PKNOX2: variants seen among roughly 807,000 people sequenced by gnomAD.
The protein encoded by PKNOX2 is PBX/knotted 1 homeobox 2.
Under a neutral mutation model 53.1 loss-of-function variants are expected in PKNOX2, and 14 were observed. That is an observed-to-expected ratio of 0.26 (90% confidence interval 0.17 to 0.41). The LOEUF (loss-of-function observed/expected upper bound fraction) is 0.41. Among genes scored for constraint, PKNOX2 ranks in the 10% least tolerant of loss-of-function variants. The pLI, the probability that PKNOX2 is intolerant of heterozygous loss-of-function variation, is 1.00. For missense variants in PKNOX2, 496 were observed against 602.8 expected (o/e 0.82, Z 1.85); for synonymous variants, 257 against 242.8 (o/e 1.06, Z -0.54).
In PKNOX2 at chr11:125,250,082, A is replaced by G. The variant is rs866114623; in HGVS notation, c.-130+14967A>G. Among the ~76,000 whole-genome samples the G allele has an allele frequency of 1.6e-3, 235 of 151,206 alleles. 1 individual carries two copies. The highest frequency in any genetic ancestry group is 2.8e-3 in the Non-Finnish European group (190 of 67,776). On this transcript the variant is annotated intron_variant, in intron 2 of 12. Transcript: ENST00000298282. ...CTCTGTCTCAAAAAAAAAAAAAAAAAAAAAAAAAACAATTTAGACATGGGA... is the reference window on the plus strand; with the variant it reads ...CTCTGTCTCAAAAAAAAAAAAAAAAGAAAAAAAAACAATTTAGACATGGGA...
intron 1 of PKNOX2, among the ~76,000 whole-genome samples, chr11:125,198,155 A>T (rs1044150119): frequency 6.6e-6 from 1 of 152,092 alleles, no homozygotes; most frequent in Admixed American, 6.5e-5. Context: ...TCTCACATCT[A>T]CTGACCAGAA....
chr11:125,187,710 T>C (rs1956543213), intron 1 of PKNOX2, among the ~76,000 whole-genome samples: 1 of 152,158 alleles, frequency 6.6e-6, no homozygotes, highest in Non-Finnish European at 1.5e-5. Flanking sequence ...CAGCCAATAT[T>C]GAATAGCAGG....
At position 125,178,681 on chromosome 11, in the gene PKNOX2, AGAGAGAGAGAGAG is replaced by A. The variant is rs1955938243; in HGVS notation, c.-201+13906_-201+13918del. ...AGGAAGGAAGGAAGGAAAGAAAGAGAGAGAGAGAGAGAGAGAGAAAGAAAGAAAGAAAGAAAGA... is the reference window on the plus strand; with the variant it reads ...AGGAAGGAAGGAAGGAAAGAAAGAGAAGAGAAAGAAAGAAAGAAAGAAAGA... On this transcript the variant is annotated intron_variant, in intron 1 of 12. Transcript: ENST00000298282. 1.7e-4 allele frequency among the ~76,000 whole-genome samples: 10 copies of A among 60,012 alleles called. 2 individuals carry two copies. Among genetic ancestry groups the A allele is most frequent in the African/African-American group, 7.4e-4 (9 of 12,170 alleles). The allele number at this position is 60,012 out of a possible 152,430, so 39.4% of individuals were successfully genotyped here. A position where few individuals can be genotyped will look rare whatever the true frequency, so the allele number is the denominator to read the frequency against.
chr11:125,293,074 C>G (rs1322344918), intron 2 of PKNOX2, among the ~76,000 whole-genome samples: 1 of 152,054 alleles, frequency 6.6e-6, no homozygotes, highest in Non-Finnish European at 1.5e-5. Context: ...ACCACACATG[C>G]TTGTATATGC....
intron 2 of PKNOX2, among the ~76,000 whole-genome samples, chr11:125,245,847 A>G (rs1943521287): frequency 6.6e-6 from 1 of 152,206 alleles, no homozygotes; most frequent in Non-Finnish European, 1.5e-5. Flanking sequence ...CTGGAACCTT[A>G]GGACTCCCAA....
At chr11:125,242,424 C>T (rs1308073930) in intron 2 of PKNOX2, among the ~76,000 whole-genome samples, 2 of 152,150 alleles carry the variant, frequency 1.3e-5, no homozygotes, top group Non-Finnish European at 2.9e-5. Context: ...TCTCTCTCCC[C>T]ACGATGCCAG....
intron 5 of PKNOX2, among the ~76,000 whole-genome samples, chr11:125,374,885 A>G (rs1435745070): frequency 6.7e-6 from 1 of 149,932 alleles, no homozygotes; most frequent in African/African-American, 2.4e-5. Context: ...TGTCCCCCTT[A>G]CAAGAAGGAA....
chr11:125,292,613 C>T (rs1327686538), intron 2 of PKNOX2, among the ~76,000 whole-genome samples: 2 of 152,190 alleles, frequency 1.3e-5, no homozygotes, highest in Admixed American at 6.5e-5. Context: ...CTAGTGGGTG[C>T]TGCATTGAAG....
chr11:125,178,645 A>AGAAAGAAAGAAAGAAAGAAGGAAGGAAG (rs771497235), intron 1 of PKNOX2, among the ~76,000 whole-genome samples: 32 of 28,580 alleles, frequency 1.1e-3, no homozygotes, highest in South Asian at 3.4e-3. Flanking sequence ...AAAGAAAGAA[A>AGAAAGAAAGAAAGAAAGAAGGAAGGAAG]GAAGGAAGGA....
chr11:125,223,004 G>A (rs1249938529), intron 1 of PKNOX2, among the ~76,000 whole-genome samples: 1 of 152,116 alleles, frequency 6.6e-6, no homozygotes, highest in Non-Finnish European at 1.5e-5. Flanking sequence ...CCACCAAGAA[G>A]GATTCTCGTC....
At chr11:125,358,806 T>C (rs1182357304) in intron 4 of PKNOX2, among the ~76,000 whole-genome samples, 2 of 152,224 alleles carry the variant, frequency 1.3e-5, no homozygotes, top group African/African-American at 2.4e-5. Flanking sequence ...CACTCAGTCA[T>C]TGCCTCCTTC....
chr11:125,288,152 C>T (rs1482078951), intron 2 of PKNOX2: 1 of 152,186 alleles, frequency 6.6e-6, no homozygotes, highest in African/African-American at 2.4e-5. Context: ...GCCACATGCC[C>T]AGGAACAGAA....
intron 6 of PKNOX2, among the ~76,000 whole-genome samples, chr11:125,388,972 A>G (rs1347378691): frequency 6.6e-6 from 1 of 152,214 alleles, no homozygotes; most frequent in Admixed American, 6.5e-5. Flanking sequence ...AGGCGGGCAG[A>G]TCACATGAGG....
intron 2 of PKNOX2, among the ~76,000 whole-genome samples, chr11:125,315,318 A>AAAAAAAAC (rs1949099731): frequency 6.6e-6 from 1 of 151,370 alleles, no homozygotes; most frequent in African/African-American, 2.4e-5. Flanking sequence ...AAAAAAAAAA[A>AAAAAAAAC]AAAAAAAAAA....
intron 6 of PKNOX2, among the ~76,000 whole-genome samples, chr11:125,389,197 A>AAAC (rs923371336): frequency 1.1e-5 from 1 of 88,198 alleles, no homozygotes; most frequent in African/African-American, 6.6e-5. Flanking sequence ...TCCATTTCAA[A>AAAC]AACAAACAAA....
intron 5 of PKNOX2, among the ~76,000 whole-genome samples, chr11:125,376,649 A>G (rs79623911): frequency 0.041 from 6,263 of 152,296 alleles, 180 homozygotes; most frequent in East Asian, 0.15. Context: ...CAAAACCTTC[A>G]TTCCAATAGT....
chr11:125,222,965 A>C (rs1358451423), intron 1 of PKNOX2, among the ~76,000 whole-genome samples: 1 of 152,170 alleles, frequency 6.6e-6, no homozygotes, highest in Non-Finnish European at 1.5e-5. Flanking sequence ...ACACCAGACA[A>C]CCTACAGGAA....
chr11:125,196,985 G>A (rs1047033290), intron 1 of PKNOX2, among the ~76,000 whole-genome samples: 16 of 152,344 alleles, frequency 1.1e-4, no homozygotes, highest in Non-Finnish European at 2.2e-4. Flanking sequence ...AGCCGTAAGC[G>A]ATGTGGCTAC....
chr11:125,267,859 G>T (rs1001192515), intron 2 of PKNOX2, among the ~76,000 whole-genome samples: 1 of 152,184 alleles, frequency 6.6e-6, no homozygotes, highest in South Asian at 2.1e-4. Flanking sequence ...AATTGTCTTC[G>T]ATCAGAGGCC....
Sources: gnomAD v4.1 joint callset for allele counts (sites outside exome capture counted in the v4.1 genomes callset) on GRCh38, gnomAD v4.1.1 for gene constraint, MANE v1.5 for transcripts, NCBI Gene and HGNC (gene_info 2026-07-23, HGNC 2026-07-21) for gene names.